The following COL6A3 variants were observed in gnomAD, a reference collection of about 807,000 sequenced individuals.
The protein encoded by COL6A3 is collagen type VI alpha 3 chain.
COL6A3 carries 137 observed loss-of-function variants against 274.1 expected under a neutral mutation model. That is an observed-to-expected ratio of 0.50 (90% CI 0.44 to 0.58). The LOEUF (loss-of-function observed/expected upper bound fraction) is 0.58, where lower values mean the gene tolerates loss of function less well. COL6A3 is among the 20% of genes least tolerant of loss of function. COL6A3 has a pLI of 0.00. For synonymous variants in COL6A3, 1,650 were observed against 1,650.6 expected (o/e 1.00, Z 0.01); for missense variants, 3,950 against 4,124.9 (o/e 0.96, Z 1.16).
At position 237,357,836 on chromosome 2, in the gene COL6A3, G is replaced by A; in HGVS notation, c.6518C>T (p.Thr2173Ile). Reference protein sequence around the residue: ...DSQERGPKGETGDLGPMGVPG... With the variant: ...DSQERGPKGEIGDLGPMGVPG... The stretch of plus-strand genomic sequence containing the variant: ...CCTTACCATGGGGCCGAGGTCACCG[G>A]TTTCTCCTTTGGGTCCTCTCTCCTG... The change falls in exon 22 of 44, where the codon ACC (threonine) becomes ATC (isoleucine). Residue 2173 changes from threonine to isoleucine, a missense_variant. This residue lies in a region of COL6A3 where 1,284 missense variants were observed against 1,349.7 expected (regional missense o/e 0.95). Transcript: ENST00000295550. 1.2e-6 allele frequency: 2 copies of A among 1,614,144 alleles called. No individual in the cohort carries two copies. The highest frequency in any genetic ancestry group is 1.7e-6 in the Non-Finnish European group (2 of 1,180,038).
At chr2:237,370,065 T>C (rs924118415) in intron 9 of COL6A3, among the ~76,000 whole-genome samples, 1 of 151,864 alleles carries the variant, frequency 6.6e-6, no homozygotes, top group African/African-American at 2.4e-5. Flanking sequence ...TCTCACTGTG[T>C]TGCCCAGGCT....
chr2:237,404,698 T>G (rs2078679048), intron 1 of COL6A3, among the ~76,000 whole-genome samples: 1 of 152,148 alleles, frequency 6.6e-6, no homozygotes, highest in African/African-American at 2.4e-5. Context: ...TTCCCATACC[T>G]CACACAGTGA....
chr2:237,361,410 A>T lies in COL6A3; in HGVS notation c.6157-236T>A, dbSNP rs1292375662. On this transcript the variant is annotated intron_variant, in intron 15 of 43. Transcript: ENST00000295550. The surrounding 1 kb of genome is among the most constrained non-coding windows in gnomAD (Gnocchi z 5.1). The stretch of plus-strand genomic sequence containing the variant: ...CTACTGACTCAGAGCAAATGCTATG[A>T]GTTCCAGCTGCCATTCGCAGCCAGG... Among the ~76,000 whole-genome samples, 3 of 152,230 alleles carry T rather than the reference A, an allele frequency of 2.0e-5. No homozygotes were observed. The highest frequency in any genetic ancestry group is 2.9e-5 in the Non-Finnish European group (2 of 68,040).
intron 24 of COL6A3, among the ~76,000 whole-genome samples, chr2:237,354,084 T>C (rs2077265045): frequency 6.6e-6 from 1 of 151,408 alleles, no homozygotes; most frequent in African/African-American, 2.4e-5. Flanking sequence ...TGATCTTGGC[T>C]CACTGCAACC....
At chr2:237,396,175 C>T (rs1032581000) in intron 2 of COL6A3, among the ~76,000 whole-genome samples, 1 of 152,210 alleles carries the variant, frequency 6.6e-6, no homozygotes, top group Non-Finnish European at 1.5e-5. Context: ...GCATTTCCCA[C>T]TTTTCTAAAA....
Position 237,346,103 on chromosome 2 carries a change from T to G in COL6A3, c.7092+400A>C, listed in dbSNP as rs2077091942. 2.0e-5 allele frequency among the ~76,000 whole-genome samples: 3 copies of G among 152,180 alleles called. No individual in the cohort carries two copies. In the South Asian group the frequency reaches 6.2e-4, roughly 32 times the overall value. ...ATTTAACCACAAATCAGGAGCTCCC[T>G]TGGGGATTTCATAGACCACAGGAAG... is the stretch of plus-strand genomic sequence containing the variant. On this transcript the variant is annotated intron_variant, in intron 32 of 43. Transcript: ENST00000295550.
At chr2:237,350,422 A>G (rs1158685354) in intron 27 of COL6A3, among the ~76,000 whole-genome samples, 2 of 152,176 alleles carry the variant, frequency 1.3e-5, no homozygotes, top group African/African-American at 4.8e-5. Flanking sequence ...CCAGCGTGGC[A>G]TGGGGGACGG....
intron 32 of COL6A3, 29 bp from the exon 33 acceptor site, chr2:237,345,242 G>A (rs2077074364): frequency 6.2e-7 from 1 of 1,612,500 alleles, no homozygotes; most frequent in South Asian, 1.1e-5. Flanking sequence ...AAAGGTGAGA[G>A]GCACAGCAGA....
At chr2:237,391,107 C>T (rs1015602325) in intron 3 of COL6A3, among the ~76,000 whole-genome samples, 2 of 152,224 alleles carry the variant, frequency 1.3e-5, no homozygotes, top group African/African-American at 4.8e-5. Flanking sequence ...TAATGCTCTT[C>T]TAACTGGCTT....
Position 237,365,856 on chromosome 2 carries a change from G to A in COL6A3, c.5680C>T (p.Pro1894Ser), listed in dbSNP as rs112540218. The change falls in exon 12 of 44, where the codon CCC (proline) becomes TCC (serine). Residue 1894 changes from proline (P) to serine (S), a missense_variant. Pro to Ser is a moderately conservative substitution (Grantham distance 74). Around this residue, in one of 5 missense-constraint regions of COL6A3, gnomAD observed 632 missense variants for 623.4 expected, o/e 1.01. Transcript: ENST00000295550. ...TVRVSVVANT[P>S]SGPVEAFDFD... ...TCAAAGGCCTCCACCGGGCCCGAGG[G>A]CGTGTTGGCCACCACTGACACACGC... is the stretch of plus-strand genomic sequence containing the variant. The A allele has an allele frequency of 7.6e-5, 123 of 1,614,118 alleles. No homozygotes were observed. The highest frequency in any genetic ancestry group is 9.1e-5 in the Non-Finnish European group (107 of 1,180,058).
At position 237,350,045 on chromosome 2, in the gene COL6A3, C is replaced by T. The variant is rs75203227; in HGVS notation, c.6879+102G>A. On this transcript the variant is annotated intron_variant, in intron 28 of 43. Coordinates refer to ENST00000295550, the MANE Select transcript of COL6A3 (RefSeq NM_004369.4). Reference sequence around the variant, plus strand: ...ATTTCCAGCCGTATCCCCAATAATACAAGAAGCAAGGCTCATCTTTATTTG... The same window carrying T: ...ATTTCCAGCCGTATCCCCAATAATATAAGAAGCAAGGCTCATCTTTATTTG... 1,939 of 1,105,690 alleles carry T rather than the reference C, an allele frequency of 1.8e-3. 4 individuals carry two copies. Among genetic ancestry groups the T allele is most frequent in the Non-Finnish European group, 2.4e-3 (1,750 of 720,650 alleles). 68.5% of individuals were successfully genotyped at this position (1,105,690 alleles called of 1,614,324 possible).
intron 8 of COL6A3, among the ~76,000 whole-genome samples, chr2:237,373,823 C>T (rs1347972974): frequency 1.3e-5 from 2 of 152,084 alleles, no homozygotes; most frequent in Non-Finnish European, 2.9e-5. Flanking sequence ...GTTTATTGTA[C>T]CAGGCCTAGA....
chr2:237,390,310 A>G (rs953450186), intron 3 of COL6A3, among the ~76,000 whole-genome samples: 3 of 152,248 alleles, frequency 2.0e-5, no homozygotes, highest in African/African-American at 7.2e-5. Context: ...AAGACTGAAC[A>G]TCTACAGTGG....
chr2:237,376,535 A>C (rs1341127343), intron 7 of COL6A3, among the ~76,000 whole-genome samples: 1 of 152,242 alleles, frequency 6.6e-6, no homozygotes, highest in African/African-American at 2.4e-5. Flanking sequence ...CTATGAAATA[A>C]TCTAATGCCC....
At position 237,343,857 on chromosome 2, in the gene COL6A3, C is replaced by T. The variant is rs540631843; in HGVS notation, c.7668+493G>A. 61 of 243,948 alleles carry T rather than the reference C, an allele frequency of 2.5e-4. 1 individual carries two copies. In the South Asian group the frequency reaches 3.0e-3, roughly 12 times the overall value. The allele number at this position is 243,948 out of a possible 1,614,324, so 15.1% of individuals were successfully genotyped here. On this transcript the variant is annotated intron_variant, in intron 36 of 43. Transcript: ENST00000295550. ...AATGGACTAGGGTCCTAGCCTCTCA[C>T]GAGCACCTCACTAACAGCAGGATCT...
In COL6A3 at chr2:237,369,150, A is replaced by G; in HGVS notation, c.4313T>C (p.Val1438Ala). The change falls in exon 10 of 44, where the codon GTC becomes GCC. Residue 1438 changes from valine (V) to alanine (A), a missense_variant. By Grantham distance (64) the Val-to-Ala change is moderately conservative. Around this residue, in one of 5 missense-constraint regions of COL6A3, gnomAD observed 1,934 missense variants for 1,984.3 expected, o/e 0.97. Coordinates refer to ENST00000295550, the MANE Select transcript of COL6A3 (RefSeq NM_004369.4). ...PAVESDAADI[V>A]FLIDSSEGVR... ...TCCCTCAGAGCTGTCGATCAGAAAG[A>G]CAATGTCTGCAGCATCACTCTCAAC... is the stretch of plus-strand genomic sequence containing the variant. The G allele has an allele frequency of 6.2e-7, 1 of 1,613,188 alleles. No homozygotes were observed. The highest frequency in any genetic ancestry group is 1.7e-5 in the Admixed American group (1 of 60,032).
chr2:237,408,430 G>A (rs1019583881), intron 1 of COL6A3, among the ~76,000 whole-genome samples: 3 of 152,180 alleles, frequency 2.0e-5, no homozygotes, highest in Admixed American at 6.5e-5. Flanking sequence ...CTGGTGCACC[G>A]CCGGGCCGGC....
chr2:237,365,779 G>T lies in COL6A3; in HGVS notation c.5757C>A (p.Ser1919Arg). The change falls in exon 12 of 44, where the codon AGC becomes AGA. Residue 1919 changes from serine to arginine, a missense_variant. Physicochemically the swap from Ser to Arg is moderately radical, Grantham distance 110. Transcript: ENST00000295550. ...EMLEKFRNMR[S>R]QHPYVLTEDT... ...CCTCCGTGAGGACGTAGGGGTGCTG[G>T]CTGCGCATGTTCCGGAACTTCTCGA... is the stretch of plus-strand genomic sequence containing the variant. The T allele has an allele frequency of 6.2e-7, 1 of 1,614,148 alleles. No homozygotes were observed. Among genetic ancestry groups the T allele is most frequent in the South Asian group, 1.1e-5 (1 of 91,084 alleles).
At chr2:237,390,507 A>T (rs968230318) in intron 3 of COL6A3, among the ~76,000 whole-genome samples, 3 of 152,244 alleles carry the variant, frequency 2.0e-5, no homozygotes, top group Admixed American at 6.5e-5. Flanking sequence ...TAATGTTACA[A>T]GGAATCAGAT....
Sources: allele counts gnomAD v4.1 joint callset (sites outside exome capture counted in the v4.1 genomes callset), GRCh38; gene constraint gnomAD v4.1.1; regional missense constraint gnomAD v4.1.1; non-coding constraint Gnocchi (gnomAD v3.1); transcripts MANE v1.5; gene names NCBI Gene and HGNC (gene_info 2026-07-23, HGNC 2026-07-21).